PCDH15: variants seen among roughly 807,000 people sequenced by gnomAD.
PCDH15 encodes protocadherin-15.
Under a neutral mutation model 178.5 loss-of-function variants are expected in PCDH15, and 129 were observed. That is an observed-to-expected ratio of 0.72 (90% CI 0.63 to 0.84). The LOEUF (loss-of-function observed/expected upper bound fraction) is 0.84, where lower values mean the gene tolerates loss of function less well. Ranked by LOEUF, PCDH15 falls within the 40% of genes least tolerant of loss-of-function variation. The probability of loss-of-function intolerance (pLI) is 0.00; values close to 1 mark genes in which losing one functional copy is unlikely to be tolerated. For synonymous variants in PCDH15, 800 were observed against 732.0 expected (o/e 1.09, Z -1.50); for missense variants, 2,230 against 2,099.9 (o/e 1.06, Z -1.21).
At chr10:54,966,233 T>C (rs1054351903) in intron 2 of PCDH15, among the ~76,000 whole-genome samples, 54 of 152,052 alleles carry the variant, frequency 3.6e-4, no homozygotes, top group African/African-American at 1.3e-3. Flanking sequence ...GGAGAAAAGA[T>C]AGCAGCAAGG....
intron 2 of PCDH15, among the ~76,000 whole-genome samples, chr10:54,576,608 T>G (rs2090502065): frequency 6.6e-6 from 1 of 152,210 alleles, no homozygotes; most frequent in Non-Finnish European, 1.5e-5. Context: ...ATGACAGCAC[T>G]TCTCCTGCGA....
chr10:53,866,588 G>T, intron 27 of PCDH15, 54 bp downstream of exon 27: 2 of 1,313,968 alleles, frequency 1.5e-6, no homozygotes, highest in South Asian at 1.2e-5. Context: ...TGAAAACACT[G>T]ACCTATGGCT....
At chr10:55,206,755 T>C (rs1840413284) in intron 1 of PCDH15, among the ~76,000 whole-genome samples, 1 of 152,122 alleles carries the variant, frequency 6.6e-6, no homozygotes, top group Non-Finnish European at 1.5e-5. Context: ...ATCATTCTGA[T>C]GTTGTTTGAA....
At chr10:55,241,507 C>T (rs1030328226) in intron 1 of PCDH15, among the ~76,000 whole-genome samples, 2 of 152,116 alleles carry the variant, frequency 1.3e-5, no homozygotes, top group African/African-American at 2.4e-5. Context: ...GCAGCCTCAA[C>T]CTCCCGGGCT....
At chr10:54,818,953 G>A (rs772245162) in intron 3 of PCDH15, among the ~76,000 whole-genome samples, 6 of 151,810 alleles carry the variant, frequency 4.0e-5, no homozygotes, top group African/African-American at 9.7e-5. Context: ...GAGACAGGGC[G>A]TCATTTTGTT....
At chr10:55,524,591 G>A (rs1288988633) in intron 2 of PCDH15, among the ~76,000 whole-genome samples, 1 of 151,192 alleles carries the variant, frequency 6.6e-6, no homozygotes, top group East Asian at 1.9e-4. Flanking sequence ...TACATATCTT[G>A]CAATAGATTT....
chr10:55,316,264 T>C lies in PCDH15; in HGVS notation c.-156+3335A>G, dbSNP rs139196402. The stretch of plus-strand genomic sequence containing the variant: ...TTTTCTCAAACTCAGTGATTACCTG[T>C]CAGGGAAACTTACAGCTTGACAAGA... On this transcript the variant is annotated intron_variant, in intron 1 of 5. Transcript: ENST00000458638. Among the ~76,000 whole-genome samples, 177 of 152,224 alleles carry C rather than the reference T, an allele frequency of 1.2e-3. No homozygotes were observed. The East Asian group carries it at 0.012, about 10-fold the overall frequency.
At chr10:55,066,672 T>C (rs1841572100) in intron 2 of PCDH15, among the ~76,000 whole-genome samples, 1 of 150,736 alleles carries the variant, frequency 6.6e-6, no homozygotes, top group Non-Finnish European at 1.5e-5. Context: ...TAATTAGAGA[T>C]TGGACTGTTA....
intron 2 of PCDH15, among the ~76,000 whole-genome samples, chr10:55,424,100 T>C (rs1396121829): frequency 6.6e-6 from 1 of 152,100 alleles, no homozygotes; most frequent in Non-Finnish European, 1.5e-5. Flanking sequence ...TGACAAGATG[T>C]CAAACTCCAC....
intron 1 of PCDH15, among the ~76,000 whole-genome samples, chr10:54,686,612 C>T (rs1239146680): frequency 2.6e-5 from 4 of 151,964 alleles, no homozygotes; most frequent in African/African-American, 7.3e-5. Context: ...GTGTCCAATA[C>T]CATTCTTTTT....
intron 5 of PCDH15, among the ~76,000 whole-genome samples, chr10:54,358,711 T>C (rs1418965347): frequency 2.0e-5 from 3 of 152,042 alleles, no homozygotes; most frequent in Non-Finnish European, 2.9e-5. Flanking sequence ...CACATGCACA[T>C]GTATGTTTAC....
At chr10:55,497,315 T>C (rs1461902214) in intron 2 of PCDH15, among the ~76,000 whole-genome samples, 1 of 151,588 alleles carries the variant, frequency 6.6e-6, no homozygotes, top group Non-Finnish European at 1.5e-5. Context: ...TTTAATTTTT[T>C]GTAGAGACAA....
intron 3 of PCDH15, among the ~76,000 whole-genome samples, chr10:54,520,427 A>G: frequency 6.6e-6 from 1 of 152,234 alleles, no homozygotes; most frequent in Non-Finnish European, 1.5e-5. Flanking sequence ...ACTTCTCAAA[A>G]GAAGACATTT....
intron 2 of PCDH15, among the ~76,000 whole-genome samples, chr10:55,108,305 T>C (rs1230665635): frequency 6.6e-6 from 1 of 152,230 alleles, no homozygotes; most frequent in Non-Finnish European, 1.5e-5. Context: ...TAAGTATGCA[T>C]GTGCTCATTA....
rs567300718 is a variant in PCDH15 at position 54,981,536 on chromosome 10, G to A, written c.-79-84036C>T. ...ACTGATGAAAATTTCTAAATGGTAG[G>A]GCTTACTCCATATCAAACCAGATTG... On this transcript the variant is annotated intron_variant, in intron 2 of 5. Coordinates refer to the PCDH15 transcript ENST00000458638. Among the ~76,000 whole-genome samples, 3 of 152,086 alleles carry A rather than the reference G, an allele frequency of 2.0e-5. No homozygotes were observed. The South Asian group carries it at 6.2e-4, about 32-fold the overall frequency.
chr10:54,790,553 G>A (rs964298739), intron 1 of PCDH15, among the ~76,000 whole-genome samples: 12 of 151,536 alleles, frequency 7.9e-5, no homozygotes, highest in Middle Eastern at 3.4e-3. Flanking sequence ...TTTTTTTCCC[G>A]CAGAAAGTTG....
At chr10:53,862,278 T>G (rs926956363) in intron 27 of PCDH15, among the ~76,000 whole-genome samples, 11 of 152,084 alleles carry the variant, frequency 7.2e-5, no homozygotes, top group Non-Finnish European at 1.3e-4. Context: ...CTTGAACTGG[T>G]GACTTCAGGT....
At chr10:54,998,512 A>T (rs58442399) in intron 2 of PCDH15, among the ~76,000 whole-genome samples, 2 of 152,160 alleles carry the variant, frequency 1.3e-5, no homozygotes, top group African/African-American at 4.8e-5. Flanking sequence ...AAAAAATTGA[A>T]AATGTTTAGA....
chr10:55,402,372 AT>A (rs2132026045), intron 2 of PCDH15, among the ~76,000 whole-genome samples: 1 of 152,128 alleles, frequency 6.6e-6, no homozygotes, highest in East Asian at 1.9e-4. Flanking sequence ...TATTAAGATT[AT>A]TTCAAATCCT....
Sources: allele counts gnomAD v4.1 joint callset (sites outside exome capture counted in the v4.1 genomes callset), GRCh38; gene constraint gnomAD v4.1.1; transcripts MANE v1.5; gene names NCBI Gene and HGNC (gene_info 2026-07-23, HGNC 2026-07-21).